Variants in PPARGC1A observed in about 807,000 individuals in gnomAD.
PPARGC1A encodes peroxisome proliferator-activated receptor gamma coactivator 1-alpha.
A neutral mutation model predicts 88.7 loss-of-function variants in PPARGC1A; 25 were observed. The observed-to-expected ratio is 0.28, with a 90% CI of 0.21 to 0.39. PPARGC1A has a LOEUF of 0.39. Ranked by LOEUF, PPARGC1A falls within the 10% of genes least tolerant of loss-of-function variation. PPARGC1A has a pLI of 1.00. For missense variants in PPARGC1A, 880 were observed against 968.7 expected, an observed-to-expected ratio of 0.91 and a Z score of 1.22; for synonymous variants, 363 against 355.6, an observed-to-expected ratio of 1.02 and a Z score of -0.24.
At chr4:24,455,434 T>C in the PPARGC1A span, among the ~76,000 whole-genome samples, 1 of 152,220 alleles carries the variant, frequency 6.6e-6, no homozygotes, top group Admixed American at 6.5e-5. Context: ...TAGCCATCAT[T>C]GTGCCACTGC....
chr4:24,091,607 A>C, the PPARGC1A span: 1 of 985,348 alleles, frequency 1.0e-6, no homozygotes, highest in South Asian at 4.7e-5. Context: ...CTTTTACCAA[A>C]GCAGCAGCCA....
At chr4:24,461,409 G>C in the PPARGC1A span, among the ~76,000 whole-genome samples, 1 of 152,028 alleles carries the variant, frequency 6.6e-6, no homozygotes, top group Non-Finnish European at 1.5e-5. Flanking sequence ...TTTCCTTCTT[G>C]GTACTTCACA....
the PPARGC1A span, among the ~76,000 whole-genome samples, chr4:23,993,156 T>C: frequency 6.6e-6 from 1 of 152,160 alleles, no homozygotes; most frequent in African/African-American, 2.4e-5. Flanking sequence ...TTTAAAGCTA[T>C]ATTCTATGTC....
At chr4:23,795,967 A>C in intron 12 of PPARGC1A, 42 bp from the exon 13 acceptor site, 1 of 1,354,856 alleles carries the variant, frequency 7.4e-7, no homozygotes, top group Middle Eastern at 1.9e-4. Context: ...CACTTTGCTG[A>C]TGGCCATTAA....
At chr4:24,078,862 T>C in the PPARGC1A span, among the ~76,000 whole-genome samples, 2 of 152,120 alleles carry the variant, frequency 1.3e-5, no homozygotes, top group African/African-American at 4.8e-5. Flanking sequence ...TGTCTTTTTG[T>C]AGGATTTCAG....
At chr4:23,917,905 A>G in the PPARGC1A span, among the ~76,000 whole-genome samples, 66,759 of 152,074 alleles carry the variant, frequency 0.44, 15,634 homozygotes, top group African/African-American at 0.52. Context: ...AATTTTATCT[A>G]TTAATTAATG....
the PPARGC1A span, among the ~76,000 whole-genome samples, chr4:24,458,673 C>T: frequency 2.6e-5 from 4 of 152,028 alleles, no homozygotes; most frequent in Admixed American, 1.3e-4. Flanking sequence ...GGGTATTACC[C>T]TAAAGAAATA....
At chr4:24,271,845 C>T in the PPARGC1A span, among the ~76,000 whole-genome samples, 1 of 152,096 alleles carries the variant, frequency 6.6e-6, no homozygotes, top group Non-Finnish European at 1.5e-5. Flanking sequence ...GCACCTGGAA[C>T]ATGGTAAGTC....
the PPARGC1A span, among the ~76,000 whole-genome samples, chr4:24,342,578 G>A: frequency 1.1e-4 from 17 of 152,136 alleles, no homozygotes; most frequent in Non-Finnish European, 2.4e-4. Flanking sequence ...TAAGGAAGTC[G>A]TTCATATTAT....
At chr4:24,012,556 C>T in the PPARGC1A span, among the ~76,000 whole-genome samples, 1 of 151,910 alleles carries the variant, frequency 6.6e-6, no homozygotes, top group Non-Finnish European at 1.5e-5. Flanking sequence ...GCTCTGAGGC[C>T]CTGCTTCATA....
the PPARGC1A span, among the ~76,000 whole-genome samples, chr4:24,350,004 T>C: frequency 6.6e-6 from 1 of 152,226 alleles, no homozygotes; most frequent in East Asian, 1.9e-4. Context: ...CCCTGTATTT[T>C]GCTCAGCTCT....
the PPARGC1A span, among the ~76,000 whole-genome samples, chr4:24,341,013 A>G: frequency 6.6e-6 from 1 of 152,174 alleles, no homozygotes; most frequent in Non-Finnish European, 1.5e-5. Flanking sequence ...CATCATAGGA[A>G]TGAGCTTCTG....
At chr4:24,234,158 T>C in the PPARGC1A span, among the ~76,000 whole-genome samples, 3 of 152,286 alleles carry the variant, frequency 2.0e-5, no homozygotes, top group South Asian at 4.1e-4. Context: ...AATGGGCAGA[T>C]TTGGATTCTG....
chr4:23,956,146 TAC>T, the PPARGC1A span, among the ~76,000 whole-genome samples: 1 of 152,134 alleles, frequency 6.6e-6, no homozygotes, highest in South Asian at 2.1e-4. Context: ...ATTATTAGCT[TAC>T]AGACTACACA....
chr4:24,328,471 G>C, the PPARGC1A span, among the ~76,000 whole-genome samples: 1 of 152,144 alleles, frequency 6.6e-6, no homozygotes, highest in African/African-American at 2.4e-5. Flanking sequence ...GGCACTCAAA[G>C]ACATGTTCCA....
At chr4:24,457,819 TCC>T in the PPARGC1A span, among the ~76,000 whole-genome samples, 1 of 152,174 alleles carries the variant, frequency 6.6e-6, no homozygotes, top group East Asian at 1.9e-4. Context: ...CGCCTTGGCC[TCC>T]CAAAGTGCTG....
chr4:24,091,834 T>C, the PPARGC1A span, among the ~76,000 whole-genome samples: 58 of 152,032 alleles, frequency 3.8e-4, no homozygotes, highest in Middle Eastern at 6.8e-3. Flanking sequence ...CTTATGCTTG[T>C]GGTGTAAAGG....
chr4:24,285,822 A>G, the PPARGC1A span, among the ~76,000 whole-genome samples: 1 of 152,040 alleles, frequency 6.6e-6, no homozygotes, highest in South Asian at 2.1e-4. Context: ...TTTCCCCACC[A>G]CTTCCAATGC....
At chr4:24,264,718 C>A in the PPARGC1A span, among the ~76,000 whole-genome samples, 1 of 152,256 alleles carries the variant, frequency 6.6e-6, no homozygotes, top group Non-Finnish European at 1.5e-5. Context: ...TCTCATGCAT[C>A]TTCTTATCCA....
Sources: allele counts gnomAD v4.1 joint callset (sites outside exome capture counted in the v4.1 genomes callset), GRCh38; gene constraint gnomAD v4.1.1; transcripts MANE v1.5; gene names NCBI Gene and HGNC (gene_info 2026-07-23, HGNC 2026-07-21).